Variants in ZBED6 observed in about 807,000 individuals in gnomAD.
ZBED6 encodes zinc finger BED-type containing 6.
In ZBED6, 40 loss-of-function variants were observed where a neutral mutation model predicts 58.4. That is an observed-to-expected ratio of 0.68 (90% CI 0.53 to 0.89). The LOEUF is 0.89. Ranked by LOEUF, ZBED6 falls within the 40% of genes least tolerant of loss-of-function variation. ZBED6 has a pLI of 0.00. For synonymous variants in ZBED6, 439 were observed against 350.6 expected (o/e 1.25, Z -2.82); for missense variants, 1,057 against 1,003.9 (o/e 1.05, Z -0.71).
Position 203,840,516 on chromosome 1 carries a change from C to T in ZBED6, c.*3741+142C>T, listed in dbSNP as rs377077136. The T allele has an allele frequency of 3.6e-5, 26 of 730,356 alleles. 1 individual carries two copies. Among genetic ancestry groups the T allele is most frequent in the South Asian group, 3.2e-4 (15 of 46,778 alleles). The allele number at this position is 730,356 out of a possible 1,614,324, so 45.2% of individuals were successfully genotyped here. A position where few individuals can be genotyped will look rare whatever the true frequency, so the allele number is the denominator to read the frequency against. On this transcript the variant is annotated intron_variant, in intron 11 of 16. Transcript: ENST00000550078. Reference sequence around the variant, plus strand: ...TCTGTTTGTTTTTTAAGTAATTGATCAAGTCAGCTCAGACTCAACTGGGAT... The same window carrying T: ...TCTGTTTGTTTTTTAAGTAATTGATTAAGTCAGCTCAGACTCAACTGGGAT...
chr1:203,799,144 A>G (rs1156244408), exon 1 of ZBED6: 1 of 1,499,844 alleles, frequency 6.7e-7, no homozygotes, highest in Admixed American at 2.0e-5. Flanking sequence ...AATATTTTAC[A>G]AGAATTAAAT....
chr1:203,826,785 G>A (rs888671614), intron 3 of ZBED6, among the ~76,000 whole-genome samples: 8 of 152,140 alleles, frequency 5.3e-5, no homozygotes, highest in Non-Finnish European at 1.0e-4. Context: ...GTTAGTTTTT[G>A]GGAGTACTTC....
At chr1:203,842,019 C>T (rs190486392) in intron 11 of ZBED6, among the ~76,000 whole-genome samples, 9 of 147,750 alleles carry the variant, frequency 6.1e-5, no homozygotes, top group South Asian at 2.1e-4. Flanking sequence ...AGGGCAGAGG[C>T]GCTCCCCACA....
intron 11 of ZBED6, 45 bp from the exon 12 acceptor site, chr1:203,847,139 G>C: frequency 6.2e-7 from 1 of 1,600,144 alleles, no homozygotes. Context: ...GTCAGTAAGA[G>C]ATGAACTTCA....
intron 13 of ZBED6, among the ~76,000 whole-genome samples, chr1:203,848,731 C>CA (rs923909710): frequency 1.3e-5 from 2 of 152,108 alleles, no homozygotes; most frequent in African/African-American, 2.4e-5. Context: ...ACTAAAAATA[C>CA]AAAAAATAAA....
intron 16 of ZBED6, among the ~76,000 whole-genome samples, chr1:203,851,828 A>AC (rs1409667221): frequency 2.0e-5 from 3 of 151,646 alleles, no homozygotes; most frequent in Non-Finnish European, 2.9e-5. Context: ...AAAAAAAATC[A>AC]CATGGTGACA....
intron 11 of ZBED6, among the ~76,000 whole-genome samples, chr1:203,846,297 A>G (rs1236502849): frequency 6.6e-6 from 1 of 152,012 alleles, no homozygotes; most frequent in African/African-American, 2.4e-5. Context: ...GAATGGTTCT[A>G]TCTGTGAAGT....
At chr1:203,847,746 T>C in intron 12 of ZBED6, 59 bp downstream of exon 12, 2 of 1,559,588 alleles carry the variant, frequency 1.3e-6, no homozygotes, top group Non-Finnish European at 1.7e-6. Context: ...AGAGGAGTGT[T>C]CCGTGGGATC....
At chr1:203,850,162 C>T in intron 14 of ZBED6, 136 bp downstream of exon 14, 1 of 770,638 alleles carries the variant, frequency 1.3e-6, no homozygotes, top group Non-Finnish European at 2.1e-6. Context: ...AGTAATATTT[C>T]TGATATTTTT....
intron 4 of ZBED6, 76 bp from the exon 5 acceptor site, chr1:203,829,375 A>C: frequency 6.9e-7 from 1 of 1,448,918 alleles, no homozygotes; most frequent in Non-Finnish European, 9.7e-7. Context: ...TATAGTTTTC[A>C]TAGGTGGTCA....
exon 1 of ZBED6, chr1:203,797,493 TC>T (rs1364595278): frequency 1.4e-6 from 2 of 1,460,994 alleles, no homozygotes; most frequent in Non-Finnish European, 1.8e-6. Flanking sequence ...ACTAACAGAT[TC>T]TGGTACGAAT....
exon 5 of ZBED6, chr1:203,829,491 G>A: frequency 6.2e-7 from 1 of 1,614,006 alleles, no homozygotes; most frequent in African/African-American, 1.3e-5. Flanking sequence ...AAGAGGAAGT[G>A]AAGGCTAGCC....
At chr1:203,806,109 C>G (rs1169478593) in intron 1 of ZBED6, 2 of 496,546 alleles carry the variant, frequency 4.0e-6, no homozygotes, top group Non-Finnish European at 7.9e-6. Flanking sequence ...TTGTAGGACC[C>G]CCTCTCATCT....
chr1:203,841,770 C>T (rs1322454475), intron 11 of ZBED6, among the ~76,000 whole-genome samples: 1 of 150,240 alleles, frequency 6.7e-6, no homozygotes, highest in Non-Finnish European at 1.5e-5. Context: ...GGGGCAGTGG[C>T]CGGGTGGAGG....
At chr1:203,836,691 G>A (rs1684449423) in intron 9 of ZBED6, among the ~76,000 whole-genome samples, 1 of 152,216 alleles carries the variant, frequency 6.6e-6, no homozygotes, top group South Asian at 2.1e-4. Context: ...TAGGAGAATC[G>A]CTTGAACCCG....
Position 203,798,475 on chromosome 1 carries a change from G to A in ZBED6, c.953G>A (p.Trp318Ter). ...CTGCAAGCCACACATCCTATCCATT[G>A]GGCTGTTGCCAACAAAGACAGTGGT... is the stretch of plus-strand genomic sequence containing the variant. Residue 318 changes from tryptophan to a stop codon, truncating the protein, a stop_gained, in exon 1 of 17, where the codon TGG becomes TAG. Transcript: ENST00000550078. LOFTEE classifies it high-confidence loss of function. The A allele has an allele frequency of 6.5e-7, 1 of 1,536,100 alleles. No homozygotes were observed. The highest frequency in any genetic ancestry group is 8.7e-7 in the Non-Finnish European group (1 of 1,146,898).
chr1:203,811,088 C>CT (rs1674327427), intron 1 of ZBED6, among the ~76,000 whole-genome samples: 1 of 150,432 alleles, frequency 6.6e-6, no homozygotes, highest in Non-Finnish European at 1.5e-5. Flanking sequence ...TTGCAATGAG[C>CT]CGAGATTGCG....
intron 8 of ZBED6, among the ~76,000 whole-genome samples, chr1:203,833,197 G>T (rs1682975951): frequency 6.6e-6 from 1 of 152,048 alleles, no homozygotes; most frequent in South Asian, 2.1e-4. Context: ...GTGAAACCTT[G>T]TCTCTACTAA....
At chr1:203,821,105 C>T (rs1678513314) in intron 3 of ZBED6, among the ~76,000 whole-genome samples, 1 of 152,120 alleles carries the variant, frequency 6.6e-6, no homozygotes, top group African/African-American at 2.4e-5. Flanking sequence ...GTGATTGGAT[C>T]ATGGGGGCGG....
Sources: gnomAD v4.1 joint callset for allele counts (sites outside exome capture counted in the v4.1 genomes callset) on GRCh38, gnomAD v4.1.1 for gene constraint, MANE v1.5 for transcripts, NCBI Gene and HGNC (gene_info 2026-07-23, HGNC 2026-07-21) for gene names.